ANKS1B: variants seen among roughly 807,000 people sequenced by gnomAD.
The protein encoded by ANKS1B is ankyrin repeat and sterile alpha motif domain containing 1B.
Under a neutral mutation model 148.3 loss-of-function variants are expected in ANKS1B, and 36 were observed. The observed-to-expected ratio is 0.24, with a 90% CI of 0.19 to 0.32. The LOEUF is 0.32. Ranked by LOEUF, ANKS1B falls within the 10% of genes least tolerant of loss-of-function variation. ANKS1B has a pLI of 1.00. For synonymous variants in ANKS1B, 542 were observed against 560.8 expected (o/e 0.97, Z 0.47); for missense variants, 1,157 against 1,542.6 (o/e 0.75, Z 4.19).
At chr12:99,451,536 A>T (rs764279868) in intron 10 of ANKS1B, among the ~76,000 whole-genome samples, 2 of 152,190 alleles carry the variant, frequency 1.3e-5, no homozygotes, top group Non-Finnish European at 2.9e-5. Context: ...ATGAGTTGGA[A>T]GCAGGTTGAG....
intron 15 of ANKS1B, among the ~76,000 whole-genome samples, chr12:99,095,647 T>C (rs748469688): frequency 3.3e-5 from 5 of 152,162 alleles, no homozygotes; most frequent in Non-Finnish European, 5.9e-5. Flanking sequence ...GTGAAAATAA[T>C]GATGGGGATG....
chr12:99,256,137 CT>C (rs2075235504), intron 12 of ANKS1B, among the ~76,000 whole-genome samples: 2 of 151,820 alleles, frequency 1.3e-5, no homozygotes, highest in African/African-American at 4.8e-5. Context: ...ATAATCCTAG[CT>C]ACTCGAGAGG....
intron 16 of ANKS1B, among the ~76,000 whole-genome samples, chr12:99,066,621 C>A (rs1260386005): frequency 1.3e-5 from 2 of 152,130 alleles, no homozygotes; most frequent in Non-Finnish European, 2.9e-5. Context: ...TACATTTCAG[C>A]AGAATCACTT....
At chr12:99,428,520 T>A (rs1448474001) in intron 11 of ANKS1B, among the ~76,000 whole-genome samples, 1 of 152,196 alleles carries the variant, frequency 6.6e-6, no homozygotes, top group East Asian at 1.9e-4. Flanking sequence ...AAATGAATTA[T>A]GTGTTGTTTA....
chr12:99,426,786 T>C (rs1024145053), intron 11 of ANKS1B, among the ~76,000 whole-genome samples: 1 of 152,182 alleles, frequency 6.6e-6, no homozygotes, highest in Admixed American at 6.5e-5. Context: ...ATCTACATTA[T>C]ATCTAGAGGG....
intron 1 of ANKS1B, among the ~76,000 whole-genome samples, chr12:99,864,052 G>C (rs1298416961): frequency 7.7e-6 from 1 of 130,372 alleles, no homozygotes; most frequent in African/African-American, 3.0e-5. Context: ...GAGCACTCCA[G>C]CCTGGCAACA....
chr12:99,364,486 T>G (rs968726962), intron 12 of ANKS1B, among the ~76,000 whole-genome samples: 1 of 152,184 alleles, frequency 6.6e-6, no homozygotes, highest in Non-Finnish European at 1.5e-5. Flanking sequence ...TTGGAAACTG[T>G]GTGTATTTAA....
In ANKS1B at chr12:99,084,814, G is replaced by T. The variant is rs1372400812; in HGVS notation, c.2625+111C>A. 1.6e-5 allele frequency: 12 copies of T among 755,474 alleles called. No homozygotes were observed. The South Asian group carries it at 2.0e-4, about 13-fold the overall frequency. 46.8% of individuals were successfully genotyped at this position (755,474 alleles called of 1,614,324 possible). ...GGACCTAAGAAGATCTGCTCTTGAG[G>T]TTGCATCAATATGTAGAACTACTGT... is the stretch of plus-strand genomic sequence containing the variant. On this transcript the variant is annotated intron_variant, in intron 16 of 26. Transcript: ENST00000683438.
chr12:99,081,616 T>G (rs867302208), intron 16 of ANKS1B, among the ~76,000 whole-genome samples: 66 of 152,312 alleles, frequency 4.3e-4, no homozygotes, highest in Middle Eastern at 6.8e-3. Context: ...TACTAATTTG[T>G]GTGCAGAGTG....
intron 10 of ANKS1B, among the ~76,000 whole-genome samples, chr12:99,463,793 C>T (rs1479238523): frequency 2.0e-5 from 3 of 152,230 alleles, no homozygotes; most frequent in African/African-American, 4.8e-5. Flanking sequence ...CTGGGAAGCT[C>T]GAACTGGGTG....
intron 11 of ANKS1B, among the ~76,000 whole-genome samples, chr12:99,439,897 C>T (rs1396050711): frequency 6.6e-6 from 1 of 151,766 alleles, no homozygotes; most frequent in African/African-American, 2.4e-5. Flanking sequence ...AAGGATCAAT[C>T]AACAGGAGAA....
chr12:99,190,180 G>T (rs1254368016), intron 14 of ANKS1B, among the ~76,000 whole-genome samples: 1 of 152,032 alleles, frequency 6.6e-6, no homozygotes, highest in East Asian at 1.9e-4. Flanking sequence ...ACTGCTCAAG[G>T]AAATAAGAGA....
chr12:99,981,954 T>G (rs544060460), intron 1 of ANKS1B, among the ~76,000 whole-genome samples: 10 of 152,284 alleles, frequency 6.6e-5, no homozygotes, highest in Non-Finnish European at 1.5e-4. Flanking sequence ...ACAATCATTT[T>G]TGAAATAAAG....
intron 8 of ANKS1B, among the ~76,000 whole-genome samples, chr12:99,770,142 C>G (rs1042487267): frequency 6.6e-6 from 1 of 152,192 alleles, no homozygotes; most frequent in Non-Finnish European, 1.5e-5. Flanking sequence ...GCAGCTAAGT[C>G]ATTTTCTAAA....
intron 15 of ANKS1B, among the ~76,000 whole-genome samples, chr12:99,107,659 G>A (rs980285165): frequency 6.6e-6 from 1 of 152,188 alleles, no homozygotes; most frequent in African/African-American, 2.4e-5. Context: ...GAGCTATCCA[G>A]AAATCGCCCG....
At chr12:98,741,636 G>C (rs1376459314), downstream of ANKS1B, among the ~76,000 whole-genome samples, 1 of 152,086 alleles carries the variant, frequency 6.6e-6, no homozygotes, top group Non-Finnish European at 1.5e-5. Flanking sequence ...TTTGCAACCT[G>C]CTCAAACCCA....
chr12:98,981,402 G>A (rs58533849), intron 17 of ANKS1B, among the ~76,000 whole-genome samples: 7,844 of 152,054 alleles, frequency 0.052, 423 homozygotes, highest in African/African-American at 0.13. Context: ...ATGGCACGAT[G>A]TCAGCTCACT....
chr12:98,746,221 C>T (rs969992086), intron 26 of ANKS1B, among the ~76,000 whole-genome samples: 6 of 152,168 alleles, frequency 3.9e-5, no homozygotes, highest in Admixed American at 2.0e-4. Context: ...TGCCACTCCC[C>T]GGCTCTCACT....
At chr12:99,671,330 G>C (rs772038418) in intron 8 of ANKS1B, among the ~76,000 whole-genome samples, 25 of 152,032 alleles carry the variant, frequency 1.6e-4, no homozygotes, top group Non-Finnish European at 3.5e-4. Context: ...ACGTAAATAT[G>C]TACTTGTATG....
Sources: allele counts gnomAD v4.1 joint callset (sites outside exome capture counted in the v4.1 genomes callset), GRCh38; gene constraint gnomAD v4.1.1; transcripts MANE v1.5; gene names NCBI Gene and HGNC (gene_info 2026-07-23, HGNC 2026-07-21).